The following SLC6A11 variants were observed in gnomAD, a reference collection of about 807,000 sequenced individuals.
SLC6A11 encodes the protein solute carrier family 6 member 11.
SLC6A11 carries 25 observed loss-of-function variants against 74.8 expected under a neutral mutation model. That is an observed-to-expected ratio of 0.33 (90% CI 0.24 to 0.47). SLC6A11 has a LOEUF of 0.47. SLC6A11 is among the 20% of genes least tolerant of loss of function. SLC6A11 has a pLI of 1.00. For synonymous variants in SLC6A11, 330 were observed against 330.2 expected (o/e 1.00, Z 0.01); for missense variants, 574 against 837.0 (o/e 0.69, Z 3.88).
In SLC6A11 at chr3:10,869,906, G is replaced by A. The variant is rs371294477; in HGVS notation, c.757-5055G>A. ...ACTTCAGAAGGTAGTTGGAGATCTA[G>A]TTGGCAAGACTTGATCACTGATTGA... On this transcript the variant is annotated intron_variant, in intron 5 of 13. Coordinates refer to ENST00000254488, the MANE Select transcript of SLC6A11 (RefSeq NM_014229.3). Among the ~76,000 whole-genome samples, 20 of 152,328 alleles carry A rather than the reference G, an allele frequency of 1.3e-4. No homozygotes were observed. In the East Asian group the frequency reaches 2.1e-3, roughly 16 times the overall value.
rs1694263230 is a variant in SLC6A11 at position 10,829,464 on chromosome 3, C to G, written c.623+6072C>G. Among the ~76,000 whole-genome samples the G allele has an allele frequency of 2.0e-5, 3 of 152,226 alleles. No homozygotes were observed. In the South Asian group the frequency reaches 6.2e-4, roughly 32 times the overall value. Reference sequence around the variant, plus strand: ...ATCAGAAGTGCCCTTGGGACCCTTTCCTAGGTCAGCACTGCATGCTGTGTA... The same window carrying G: ...ATCAGAAGTGCCCTTGGGACCCTTTGCTAGGTCAGCACTGCATGCTGTGTA... On this transcript the variant is annotated intron_variant, in intron 4 of 13. Coordinates refer to ENST00000254488, the MANE Select transcript of SLC6A11 (RefSeq NM_014229.3).
intron 6 of SLC6A11, among the ~76,000 whole-genome samples, chr3:10,900,500 A>G (rs192133828): frequency 5.1e-4 from 78 of 152,328 alleles, no homozygotes; most frequent in East Asian, 2.3e-3. Context: ...TTATTTCTCT[A>G]TCTGCAGCCA....
In SLC6A11 at chr3:10,881,486, G is replaced by A. The variant is rs1301328234; in HGVS notation, c.891+6391G>A. On this transcript the variant is annotated intron_variant, in intron 6 of 13. Transcript: ENST00000254488. ...CACTTTCCCTCTCTTGCCTTTCTAG[G>A]AACTTCCTGGAAAGGTCCACTGGGA... 2.6e-5 allele frequency among the ~76,000 whole-genome samples: 4 copies of A among 152,214 alleles called. No individual in the cohort carries two copies. In the East Asian group the frequency reaches 7.7e-4, roughly 29 times the overall value.
At chr3:10,829,710 T>C (rs755541639) in intron 4 of SLC6A11, among the ~76,000 whole-genome samples, 7 of 152,184 alleles carry the variant, frequency 4.6e-5, no homozygotes, top group Non-Finnish European at 1.0e-4. Flanking sequence ...CCCTTAGGCT[T>C]GTCAAGAGCA....
Position 10,938,279 on chromosome 3 carries a change from A to G in SLC6A11, c.1776A>G (p.Thr592=), listed in dbSNP as rs1199798311. 1.9e-6 allele frequency: 3 copies of G among 1,611,284 alleles called. No individual in the cohort carries two copies. Among genetic ancestry groups the G allele is most frequent in the Non-Finnish European group, 2.5e-6 (3 of 1,178,120 alleles). Residue 592 remains threonine, a synonymous_variant, in exon 14 of 14, where the codon ACA becomes ACG. Coordinates refer to ENST00000254488, the MANE Select transcript of SLC6A11 (RefSeq NM_014229.3). The stretch of plus-strand genomic sequence containing the variant: ...TCCAGAAGTTGACGACCCCCAGCAC[A>G]GATCTGAAAATGCGGGGCAAGCTTG... ...EKLQKLTTPS[T]DLKMRGKLGV...
At chr3:10,848,460 T>C (rs887698709) in intron 5 of SLC6A11, among the ~76,000 whole-genome samples, 1 of 152,218 alleles carries the variant, frequency 6.6e-6, no homozygotes, top group African/African-American at 2.4e-5. Flanking sequence ...TGTGGGATTT[T>C]CCCCAACCCC....
intron 8 of SLC6A11, among the ~76,000 whole-genome samples, chr3:10,924,969 C>G (rs1460976314): frequency 6.6e-6 from 1 of 152,162 alleles, no homozygotes; most frequent in Non-Finnish European, 1.5e-5. Context: ...TATGACCCAG[C>G]AATTCCACTT....
intron 13 of SLC6A11, among the ~76,000 whole-genome samples, chr3:10,937,626 G>T (rs1459294111): frequency 6.6e-6 from 1 of 152,252 alleles, no homozygotes; most frequent in African/African-American, 2.4e-5. Context: ...CATCTGGCCT[G>T]AGGGGCAGGG....
At chr3:10,853,766 A>G (rs781666606) in intron 5 of SLC6A11, among the ~76,000 whole-genome samples, 32 of 152,216 alleles carry the variant, frequency 2.1e-4, no homozygotes, top group Admixed American at 4.6e-4. Flanking sequence ...TGTGAATCAC[A>G]TCTATGAAAT....
intron 4 of SLC6A11, among the ~76,000 whole-genome samples, chr3:10,841,423 T>C (rs770200210): frequency 2.6e-5 from 4 of 152,188 alleles, no homozygotes; most frequent in Non-Finnish European, 4.4e-5. Context: ...CCCTGCAGGC[T>C]GAGAATCTGG....
chr3:10,824,746 TG>T (rs1410182132), intron 4 of SLC6A11: 8 of 152,246 alleles, frequency 5.3e-5, no homozygotes, highest in Non-Finnish European at 7.3e-5. Context: ...GTCCTCTTGA[TG>T]GGCATTTAGG....
At chr3:10,937,517 T>C (rs1209961301) in intron 13 of SLC6A11, among the ~76,000 whole-genome samples, 1 of 152,356 alleles carries the variant, frequency 6.6e-6, no homozygotes, top group South Asian at 2.1e-4. Context: ...AAATGGTTTA[T>C]GCCCAGAAAG....
intron 1 of SLC6A11, among the ~76,000 whole-genome samples, chr3:10,819,126 C>T (rs561733745): frequency 3.9e-5 from 6 of 152,150 alleles, no homozygotes; most frequent in Non-Finnish European, 5.9e-5. Flanking sequence ...ATTTGACCCA[C>T]GCTGGAGGAT....
At chr3:10,860,375 C>T (rs1694688850) in intron 5 of SLC6A11, among the ~76,000 whole-genome samples, 1 of 152,160 alleles carries the variant, frequency 6.6e-6, no homozygotes, top group Admixed American at 6.5e-5. Context: ...TAAGGTGAAC[C>T]ATTTTTAAAA....
rs963316801 is a variant in SLC6A11 at position 10,938,537 on chromosome 3, G to A, written c.*135G>A. 4.4e-6 allele frequency: 4 copies of A among 899,198 alleles called. No individual in the cohort carries two copies. Among genetic ancestry groups the A allele is most frequent in the African/African-American group, 3.3e-5 (2 of 59,866 alleles). 55.7% of individuals were successfully genotyped at this position (899,198 alleles called of 1,614,324 possible). A position where few individuals can be genotyped will look rare whatever the true frequency, so the allele number is the denominator to read the frequency against. ...GGATTAATTAACAAGTTAATTTTAA[G>A]GTGGCCACTGTACACTGCTCTAAAG... is the stretch of plus-strand genomic sequence containing the variant. On this transcript the variant is annotated 3_prime_UTR_variant, in exon 14 of 14. Coordinates refer to ENST00000254488, the MANE Select transcript of SLC6A11 (RefSeq NM_014229.3).
At chr3:10,921,480 A>G (rs1209824224) in intron 8 of SLC6A11, among the ~76,000 whole-genome samples, 5 of 152,238 alleles carry the variant, frequency 3.3e-5, no homozygotes, top group Non-Finnish European at 5.9e-5. Flanking sequence ...AGGTAGAGCT[A>G]AAAAGCTAGT....
In SLC6A11 at chr3:10,929,241, A is replaced by G; in HGVS notation, c.1273A>G (p.Met425Val). ...VESLVTAVVD[M>V]YPKVFRRGYR... Reference sequence around the variant, plus strand: ...AAGCCTGGTGACCGCCGTGGTGGACATGTACCCCAAGGTTTTCCGGAGGGG... The same window carrying G: ...AAGCCTGGTGACCGCCGTGGTGGACGTGTACCCCAAGGTTTTCCGGAGGGG... Residue 425 changes from methionine (M) to valine (V), a missense_variant, in exon 10 of 14, where the codon ATG (methionine) becomes GTG (valine). By Grantham distance (21) the Met-to-Val change is conservative. This residue lies in a region of SLC6A11 where 257 missense variants were observed against 341.5 expected (regional missense o/e 0.75). Transcript: ENST00000254488. The G allele has an allele frequency of 6.2e-7, 1 of 1,614,118 alleles. No homozygotes were observed. The highest frequency in any genetic ancestry group is 8.5e-7 in the Non-Finnish European group (1 of 1,180,004).
chr3:10,880,324 G>T (rs1449273129), intron 6 of SLC6A11, among the ~76,000 whole-genome samples: 1 of 152,204 alleles, frequency 6.6e-6, no homozygotes, highest in Non-Finnish European at 1.5e-5. Flanking sequence ...TTCTGGAAAT[G>T]ATCCTGCAGT....
At chr3:10,840,520 T>A (rs2106583223) in intron 4 of SLC6A11, among the ~76,000 whole-genome samples, 1 of 152,392 alleles carries the variant, frequency 6.6e-6, no homozygotes, top group South Asian at 2.1e-4. Flanking sequence ...TAGCTCTGTG[T>A]CTGGCACACT....
Sources: allele counts gnomAD v4.1 joint callset (sites outside exome capture counted in the v4.1 genomes callset), GRCh38; gene constraint gnomAD v4.1.1; regional missense constraint gnomAD v4.1.1; transcripts MANE v1.5; gene names NCBI Gene and HGNC (gene_info 2026-07-23, HGNC 2026-07-21).